Variants in PARD3B observed in about 807,000 individuals in gnomAD.
PARD3B encodes the protein par-3 family cell polarity regulator beta, also known as partitioning defective 3 homolog B.
A neutral mutation model predicts 130.2 loss-of-function variants in PARD3B; 103 were observed. The observed-to-expected ratio is 0.79, with a 90% CI of 0.67 to 0.93. The LOEUF (loss-of-function observed/expected upper bound fraction) is 0.93. PARD3B is among the 40% of genes least tolerant of loss of function. The pLI, the probability that PARD3B is intolerant of heterozygous loss-of-function variation, is 0.00. For synonymous variants in PARD3B, 583 were observed against 553.2 expected (o/e 1.05, Z -0.76); for missense variants, 1,609 against 1,499.2 (o/e 1.07, Z -1.21).
chr2:205,168,317 GAGA>G (rs2034943610), intron 11 of PARD3B, among the ~76,000 whole-genome samples: 1 of 136,826 alleles, frequency 7.3e-6, no homozygotes, highest in African/African-American at 2.8e-5. Context: ...GAGAGAGAGA[GAGA>G]GTGTGTGTGT....
Position 204,996,922 on chromosome 2 carries a change from C to T in PARD3B, c.394+31599C>T, listed in dbSNP as rs577471978. ...CTTGCGCTTCCCAGGTGAGGCAATG[C>T]CTCGCCCTGCTTCGGCTCGCACATG... is the stretch of plus-strand genomic sequence containing the variant. On this transcript the variant is annotated intron_variant, in intron 3 of 22. Transcript: ENST00000406610. Among the ~76,000 whole-genome samples, 80 of 151,950 alleles carry T rather than the reference C, an allele frequency of 5.3e-4. 1 individual carries two copies. Among genetic ancestry groups the T allele is most frequent in the Non-Finnish European group, 1.1e-3 (72 of 67,970 alleles).
At chr2:205,298,676 A>T (rs2041880647) in intron 16 of PARD3B, among the ~76,000 whole-genome samples, 1 of 152,200 alleles carries the variant, frequency 6.6e-6, no homozygotes, top group Non-Finnish European at 1.5e-5. Context: ...GTTAATGATG[A>T]AACTATAACG....
chr2:204,946,007 G>C (rs1689294276), intron 2 of PARD3B, among the ~76,000 whole-genome samples: 1 of 152,148 alleles, frequency 6.6e-6, no homozygotes, highest in Admixed American at 6.6e-5. Flanking sequence ...ACACTAATTA[G>C]GACCAGCTTA....
chr2:205,345,946 G>A (rs2043737785), intron 18 of PARD3B, among the ~76,000 whole-genome samples: 1 of 86,730 alleles, frequency 1.2e-5, no homozygotes. Flanking sequence ...CAAGGCAGGT[G>A]GATCACCTGA....
intron 20 of PARD3B, among the ~76,000 whole-genome samples, chr2:205,485,408 G>A (rs959648668): frequency 6.6e-6 from 1 of 152,158 alleles, no homozygotes; most frequent in Non-Finnish European, 1.5e-5. Flanking sequence ...TAGCCAACAA[G>A]TAGGGAGATT....
intron 2 of PARD3B, among the ~76,000 whole-genome samples, chr2:204,705,462 TAGCAGTGAATG>T (rs1277112345): frequency 6.6e-6 from 1 of 152,086 alleles, no homozygotes; most frequent in African/African-American, 2.4e-5. Context: ...CATTTGAGAA[TAGCAGTGAATG>T]AGGGCCATTC....
chr2:205,515,558 C>G (rs1448340671), intron 21 of PARD3B, among the ~76,000 whole-genome samples: 1 of 151,246 alleles, frequency 6.6e-6, no homozygotes. Context: ...GAGATGGTAT[C>G]GCGATATTGA....
intron 16 of PARD3B, among the ~76,000 whole-genome samples, chr2:205,282,869 C>T (rs890760553): frequency 2.6e-5 from 4 of 152,112 alleles, no homozygotes; most frequent in Non-Finnish European, 4.4e-5. Flanking sequence ...GTAAAAGTTC[C>T]CACCCAGGTT....
At chr2:204,992,817 G>A (rs1301488760) in intron 3 of PARD3B, among the ~76,000 whole-genome samples, 2 of 143,540 alleles carry the variant, frequency 1.4e-5, no homozygotes, top group African/African-American at 5.2e-5. Context: ...TGGATTCCTA[G>A]GTATTTTATT....
intron 21 of PARD3B, among the ~76,000 whole-genome samples, chr2:205,503,742 T>G (rs991593434): frequency 6.6e-6 from 1 of 152,136 alleles, no homozygotes; most frequent in Admixed American, 6.5e-5. Flanking sequence ...GGGATGGCAT[T>G]GAATCTATAA....
At chr2:205,399,421 C>G (rs2046160858) in intron 18 of PARD3B, among the ~76,000 whole-genome samples, 1 of 151,964 alleles carries the variant, frequency 6.6e-6, no homozygotes, top group Admixed American at 6.5e-5. Context: ...GTGGTGCCAT[C>G]TCGGCTCACT....
intron 14 of PARD3B, among the ~76,000 whole-genome samples, chr2:205,191,679 C>G (rs1266189964): frequency 6.6e-6 from 1 of 152,222 alleles, no homozygotes; most frequent in East Asian, 1.9e-4. Flanking sequence ...TCATTCTATT[C>G]TCTCAACAAC....
chr2:205,541,380 C>G (rs1269513307), intron 21 of PARD3B, among the ~76,000 whole-genome samples: 1 of 139,718 alleles, frequency 7.2e-6, no homozygotes, highest in Non-Finnish European at 1.5e-5. Context: ...CAGAGTTTCG[C>G]TCTTGTTGCC....
At chr2:205,429,561 T>C (rs945343402) in intron 19 of PARD3B, among the ~76,000 whole-genome samples, 4 of 152,184 alleles carry the variant, frequency 2.6e-5, no homozygotes, top group Admixed American at 2.6e-4. Flanking sequence ...TTTGTCTCCT[T>C]AGCATTACTA....
chr2:204,926,018 A>G (rs770557505), intron 2 of PARD3B, among the ~76,000 whole-genome samples: 1 of 152,124 alleles, frequency 6.6e-6, no homozygotes, highest in Non-Finnish European at 1.5e-5. Flanking sequence ...CTGTGAGTCA[A>G]TTAAACCTCT....
At position 205,530,295 on chromosome 2, in the gene PARD3B, G is replaced by T. The variant is rs2051533490; in HGVS notation, c.3181-23029G>T. Among the ~76,000 whole-genome samples, 2 of 152,112 alleles carry T rather than the reference G, an allele frequency of 1.3e-5. No homozygotes were observed. The highest frequency in any genetic ancestry group is 4.8e-5 in the African/African-American group (2 of 41,410). On this transcript the variant is annotated intron_variant, in intron 21 of 22. Transcript: ENST00000406610. This position sits in a 1 kb window ranked among gnomAD's most constrained non-coding sequence, Gnocchi z 4.7. Reference sequence around the variant, plus strand: ...TTGCTACCCACTACCACCCACAACAGGGTTAAACAAGACTTGAGGACTTTT... The same window carrying T: ...TTGCTACCCACTACCACCCACAACATGGTTAAACAAGACTTGAGGACTTTT...
At chr2:204,670,022 G>A (rs1227096440) in intron 1 of PARD3B, among the ~76,000 whole-genome samples, 1 of 152,130 alleles carries the variant, frequency 6.6e-6, no homozygotes, top group African/African-American at 2.4e-5. Context: ...AAGTTGAACG[G>A]TTGGGACAGT....
At chr2:204,973,891 A>C (rs1188930255) in intron 3 of PARD3B, among the ~76,000 whole-genome samples, 2 of 152,190 alleles carry the variant, frequency 1.3e-5, no homozygotes, top group African/African-American at 4.8e-5. Flanking sequence ...ACCATAAGAG[A>C]AGCCATCTCT....
chr2:204,920,146 A>C (rs923127690), intron 2 of PARD3B, among the ~76,000 whole-genome samples: 2 of 152,246 alleles, frequency 1.3e-5, no homozygotes, highest in Admixed American at 1.3e-4. Context: ...AGAGTATGGC[A>C]AAACAAAAAG....
Sources: allele counts gnomAD v4.1 joint callset (sites outside exome capture counted in the v4.1 genomes callset), GRCh38; gene constraint gnomAD v4.1.1; non-coding constraint Gnocchi (gnomAD v3.1); transcripts MANE v1.5; gene names NCBI Gene and HGNC (gene_info 2026-07-23, HGNC 2026-07-21).